The following MECOM variants were observed in gnomAD, a reference collection of about 807,000 sequenced individuals.
MECOM encodes the protein MDS1 and EVI1 complex locus, also known as histone-lysine N-methyltransferase MECOM.
MECOM carries 13 observed loss-of-function variants against 116.3 expected under a neutral mutation model. The ratio of observed to expected loss-of-function variants is 0.11; its 90% CI spans 0.07 to 0.18. The LOEUF is 0.18. Among genes scored for constraint, MECOM ranks in the 10% least tolerant of loss-of-function variants. MECOM has a pLI of 1.00. For missense variants in MECOM, 1,299 were observed against 1,509.0 expected (o/e 0.86, Z 2.31); for synonymous variants, 528 against 535.2 (o/e 0.99, Z 0.19).
chr3:169,577,534 C>T (rs1286144621), intron 1 of MECOM, among the ~76,000 whole-genome samples: 2 of 151,442 alleles, frequency 1.3e-5, no homozygotes, highest in Non-Finnish European at 2.9e-5. Context: ...CTATGGTCGC[C>T]TTTACTGAAC....
intron 2 of MECOM, among the ~76,000 whole-genome samples, chr3:169,242,041 G>A (rs933860300): frequency 5.9e-5 from 9 of 152,114 alleles, no homozygotes; most frequent in African/African-American, 9.7e-5. Context: ...ATGATCTGTC[G>A]GCTAACTGAG....
In MECOM at chr3:169,186,378, AAGGGAGGGAGGGAGGGAGGG is replaced by A. The variant is rs1180332102; in HGVS notation, c.376-42566_376-42547del. Among the ~76,000 whole-genome samples the A allele has an allele frequency of 6.0e-3, 240 of 39,756 alleles. 1 individual carries two copies. The highest frequency in any genetic ancestry group is 8.9e-3 in the Non-Finnish European group (182 of 20,354). 26.1% of individuals were successfully genotyped at this position (39,756 alleles called of 152,430 possible). ...GAAGGAAGGAAGGAAGGAAGGAAGG[AAGGGAGGGAGGGAGGGAGGG>A]AGGGAGGGAGGGAGGGAGGGAGGAA... On this transcript the variant is annotated intron_variant, in intron 2 of 16. Coordinates refer to ENST00000651503, the MANE Select transcript of MECOM (RefSeq NM_004991.4).
chr3:169,483,371 TCAAA>T (rs1289748265), intron 1 of MECOM, among the ~76,000 whole-genome samples: 1 of 149,954 alleles, frequency 6.7e-6, no homozygotes, highest in Non-Finnish European at 1.5e-5. Flanking sequence ...CTTTTTAAAA[TCAAA>T]CAGTCACTAC....
rs190865832 is a variant in MECOM at position 169,305,097 on chromosome 3, A to G, written c.375+76090T>C. Among the ~76,000 whole-genome samples, 102 of 152,368 alleles carry G rather than the reference A, an allele frequency of 6.7e-4. 1 individual carries two copies. Among genetic ancestry groups the G allele is most frequent in the African/African-American group, 2.2e-3 (92 of 41,588 alleles). On this transcript the variant is annotated intron_variant, in intron 2 of 16. Transcript: ENST00000651503. ...ATACAATAGGTACTGATAGGACTCA[A>G]TAAATATTAATAGAATTAGTGAAGG...
chr3:169,604,391 G>C (rs1768245458), intron 1 of MECOM, among the ~76,000 whole-genome samples: 1 of 152,162 alleles, frequency 6.6e-6, no homozygotes, highest in Non-Finnish European at 1.5e-5. Flanking sequence ...TTTCACAGAC[G>C]AGAAACCTGA....
intron 2 of MECOM, among the ~76,000 whole-genome samples, chr3:169,179,163 TCTATATATAG>T (rs1433653981): frequency 6.6e-6 from 1 of 152,210 alleles, no homozygotes; most frequent in Non-Finnish European, 1.5e-5. Context: ...CTTTCTTTTC[TCTATATATAG>T]CTATGTGTCA....
At chr3:169,234,783 CT>C (rs903980143) in intron 2 of MECOM, among the ~76,000 whole-genome samples, 4 of 152,118 alleles carry the variant, frequency 2.6e-5, no homozygotes, top group Non-Finnish European at 5.9e-5. Flanking sequence ...CTAATTGCTT[CT>C]TTTTTTGACA....
chr3:169,545,332 A>G (rs1760598669), intron 1 of MECOM, among the ~76,000 whole-genome samples: 1 of 152,224 alleles, frequency 6.6e-6, no homozygotes, highest in Non-Finnish European at 1.5e-5. Context: ...AAAACCTAAC[A>G]GAAACTGTAG....
At chr3:169,385,377 C>T (rs1733154522) in intron 1 of MECOM, among the ~76,000 whole-genome samples, 1 of 151,946 alleles carries the variant, frequency 6.6e-6, no homozygotes, top group East Asian at 1.9e-4. Flanking sequence ...TCAAGCAAAT[C>T]CACAAGAAGA....
chr3:169,498,674 G>C (rs1467285840), intron 1 of MECOM, among the ~76,000 whole-genome samples: 1 of 152,096 alleles, frequency 6.6e-6, no homozygotes, highest in Non-Finnish European at 1.5e-5. Flanking sequence ...ATGAATTCAA[G>C]AAAATTCCCA....
chr3:169,656,026 T>C (rs1168882246), intron 1 of MECOM, among the ~76,000 whole-genome samples: 1 of 152,212 alleles, frequency 6.6e-6, no homozygotes, highest in Admixed American at 6.5e-5. Context: ...CATGCCCAGA[T>C]TCAAACACTG....
chr3:169,496,092 A>G (rs1292113919), intron 1 of MECOM, among the ~76,000 whole-genome samples: 1 of 152,236 alleles, frequency 6.6e-6, no homozygotes, highest in Non-Finnish European at 1.5e-5. Context: ...AGCCTCCTCA[A>G]ACAAGAAAAA....
chr3:169,439,120 ATAT>A (rs1743190129), intron 1 of MECOM, among the ~76,000 whole-genome samples: 2 of 147,668 alleles, frequency 1.4e-5, no homozygotes, highest in Admixed American at 1.4e-4. Flanking sequence ...AATATTATTA[ATAT>A]TATTTAATAT....
intron 1 of MECOM, among the ~76,000 whole-genome samples, chr3:169,421,105 C>T (rs537265545): frequency 2.8e-4 from 43 of 152,110 alleles, no homozygotes; most frequent in African/African-American, 8.9e-4. Context: ...GTTCAGAGAA[C>T]GGACTAAGAG....
intron 1 of MECOM, among the ~76,000 whole-genome samples, chr3:169,559,132 T>G (rs1440406250): frequency 6.6e-6 from 1 of 152,072 alleles, no homozygotes; most frequent in African/African-American, 2.4e-5. Flanking sequence ...GGGCGAAGTT[T>G]GGATGCCAAA....
intron 1 of MECOM, chr3:169,470,254 A>G (rs1042830193): frequency 2.7e-4 from 41 of 152,336 alleles, no homozygotes; most frequent in African/African-American, 7.5e-4. Context: ...TAGCCATAAG[A>G]AAAGGCCAGG....
intron 12 of MECOM, among the ~76,000 whole-genome samples, chr3:169,099,742 T>G (rs2148934990): frequency 6.6e-6 from 1 of 152,306 alleles, no homozygotes; most frequent in African/African-American, 2.4e-5. Flanking sequence ...ATGATATTAC[T>G]TAAGTTGTAT....
chr3:169,586,778 A>AGAT (rs1176851487), intron 1 of MECOM, among the ~76,000 whole-genome samples: 1 of 152,232 alleles, frequency 6.6e-6, no homozygotes, highest in African/African-American at 2.4e-5. Context: ...CAGTCTGACC[A>AGAT]GATACACAAG....
intron 1 of MECOM, among the ~76,000 whole-genome samples, chr3:169,485,157 G>A (rs186145136): frequency 1.3e-5 from 2 of 151,992 alleles, no homozygotes; most frequent in Non-Finnish European, 2.9e-5. Flanking sequence ...ACCACGTCTG[G>A]CTAAGTTTTG....
Sources: allele counts gnomAD v4.1 joint callset (sites outside exome capture counted in the v4.1 genomes callset), GRCh38; gene constraint gnomAD v4.1.1; transcripts MANE v1.5; gene names NCBI Gene and HGNC (gene_info 2026-07-23, HGNC 2026-07-21).